TCERG1L: variants seen among roughly 807,000 people sequenced by gnomAD.
The protein encoded by TCERG1L is transcription elongation regulator 1-like protein.
In TCERG1L, 37 loss-of-function variants were observed where a neutral mutation model predicts 56.3. That is an observed-to-expected ratio of 0.66 (90% CI 0.51 to 0.87). TCERG1L has a LOEUF of 0.87. TCERG1L is among the 40% of genes least tolerant of loss of function. The probability of loss-of-function intolerance (pLI) is 0.00; values close to 1 mark genes in which losing one functional copy is unlikely to be tolerated. For missense variants in TCERG1L, 799 were observed against 774.2 expected (o/e 1.03, Z -0.38); for synonymous variants, 324 against 326.3 (o/e 0.99, Z 0.08).
At chr10:131,168,550 A>C (rs1262944347) in intron 4 of TCERG1L, among the ~76,000 whole-genome samples, 5 of 152,228 alleles carry the variant, frequency 3.3e-5, no homozygotes, top group Non-Finnish European at 5.9e-5. Context: ...CGTGAGCCGG[A>C]GGCCCCATCC....
chr10:131,104,790 A>T (rs1413168529), intron 9 of TCERG1L, among the ~76,000 whole-genome samples: 1 of 152,228 alleles, frequency 6.6e-6, no homozygotes, highest in Non-Finnish European at 1.5e-5. Context: ...TAGGTAGGTC[A>T]TTTTAAAAAT....
intron 4 of TCERG1L, among the ~76,000 whole-genome samples, chr10:131,252,219 ATGGG>A (rs1222701399): frequency 6.6e-6 from 1 of 152,192 alleles, no homozygotes; most frequent in Non-Finnish European, 1.5e-5. Context: ...TGCTATGAAC[ATGGG>A]TGCACAGATA....
chr10:131,172,759 G>A (rs932936879), intron 4 of TCERG1L, among the ~76,000 whole-genome samples: 15 of 152,180 alleles, frequency 9.9e-5, no homozygotes, highest in African/African-American at 3.6e-4. Context: ...CCAACCGGGA[G>A]TCACTGGAGC....
At chr10:131,111,106 C>T (rs1845407604) in intron 9 of TCERG1L, among the ~76,000 whole-genome samples, 1 of 143,628 alleles carries the variant, frequency 7.0e-6, no homozygotes, top group Admixed American at 6.8e-5. Context: ...GATAAAGCCC[C>T]AGCCTTGAGA....
chr10:131,222,026 A>G (rs191012989), intron 4 of TCERG1L, among the ~76,000 whole-genome samples: 2 of 152,320 alleles, frequency 1.3e-5, no homozygotes, highest in Admixed American at 1.3e-4. Flanking sequence ...ATGAAAACAC[A>G]CTAAGTGTCT....
chr10:131,154,823 C>T lies in TCERG1L; in HGVS notation c.1035-8163G>A, dbSNP rs188126602. ...CAGATATGCAAGACAAGGACACGAG[C>T]GTGCAACAGGCGTGCTGTGCTGGAA... On this transcript the variant is annotated intron_variant, in intron 6 of 11. Transcript: ENST00000368642. Among the ~76,000 whole-genome samples the T allele has an allele frequency of 4.5e-3, 678 of 152,350 alleles. 2 individuals carry two copies. The highest frequency in any genetic ancestry group is 8.3e-3 in the Non-Finnish European group (568 of 68,042).
intron 3 of TCERG1L, among the ~76,000 whole-genome samples, chr10:131,289,322 G>A (rs1275197436): frequency 8.0e-6 from 1 of 124,672 alleles, no homozygotes; most frequent in East Asian, 2.5e-4. Context: ...ATATACTTAT[G>A]GCATGTTTCT....
chr10:131,093,475 G>A (rs763391400), intron 11 of TCERG1L, among the ~76,000 whole-genome samples, 157 bp from the exon 12 acceptor site: 21 of 152,014 alleles, frequency 1.4e-4, no homozygotes, highest in Non-Finnish European at 2.1e-4. Flanking sequence ...CTGACCAGCC[G>A]TGCCTGCTCC....
chr10:131,260,186 G>A lies in TCERG1L; in HGVS notation c.856+73C>T, dbSNP rs1463453953. 1.4e-5 allele frequency: 18 copies of A among 1,268,050 alleles called. No individual in the cohort carries two copies. The highest frequency in any genetic ancestry group is 6.2e-5 in the African/African-American group (4 of 65,002). 78.5% of individuals were successfully genotyped at this position (1,268,050 alleles called of 1,614,324 possible). A position where few individuals can be genotyped will look rare whatever the true frequency, so the allele number is the denominator to read the frequency against. ...CCCACAGCGCCTGGGCCCAGGCCAG[G>A]GGCATCTAACCAGGAAGCCTCCGCG... On this transcript the variant is annotated intron_variant, in intron 4 of 11. Transcript: ENST00000368642. The surrounding 1 kb of genome is among the most constrained non-coding windows in gnomAD (Gnocchi z 5.8).
chr10:131,269,459 T>A (rs1353719431), intron 3 of TCERG1L, among the ~76,000 whole-genome samples: 1 of 152,164 alleles, frequency 6.6e-6, no homozygotes, highest in Non-Finnish European at 1.5e-5. Context: ...AGTGCTGGGA[T>A]TATAGGCATG....
chr10:131,272,645 A>G (rs1158097870), intron 3 of TCERG1L, among the ~76,000 whole-genome samples: 2 of 151,772 alleles, frequency 1.3e-5, no homozygotes, highest in African/African-American at 4.8e-5. Context: ...GGGAGAGATG[A>G]CCCTTGGCAA....
intron 3 of TCERG1L, among the ~76,000 whole-genome samples, chr10:131,264,307 G>T (rs1206493276): frequency 1.3e-5 from 2 of 152,232 alleles, no homozygotes; most frequent in Non-Finnish European, 2.9e-5. Context: ...CAGCAGTGCT[G>T]GTGGTCAGGC....
intron 3 of TCERG1L, among the ~76,000 whole-genome samples, chr10:131,279,797 C>T (rs377480569): frequency 2.0e-5 from 3 of 152,130 alleles, no homozygotes; most frequent in African/African-American, 4.8e-5. Context: ...GTGACACTCA[C>T]GGATGCTGAG....
chr10:131,126,185 C>A (rs1484740477), intron 8 of TCERG1L, among the ~76,000 whole-genome samples: 2 of 152,228 alleles, frequency 1.3e-5, no homozygotes, highest in Non-Finnish European at 2.9e-5. Context: ...ACAGGCCCTA[C>A]CGTGGCTGGA....
At chr10:131,178,534 C>A (rs368533984) in intron 4 of TCERG1L, among the ~76,000 whole-genome samples, 1 of 152,288 alleles carries the variant, frequency 6.6e-6, no homozygotes, top group East Asian at 1.9e-4. Flanking sequence ...CAAGGGCATG[C>A]ATCTGTCTGT....
Position 131,308,291 on chromosome 10 carries a change from T to C in TCERG1L, c.590A>G (p.Gln197Arg). ...GHEKPRLLAN[Q>R]VAVSLSRPAP... ...CGGCCTGGACAGAGACACAGCTACT[T>C]GATTTGCCAGCAAACGAGGCTTTTC... The change falls in exon 3 of 12, where the codon CAA (glutamine) becomes CGA (arginine). Residue 197 changes from glutamine (Q) to arginine (R), a missense_variant. Coordinates refer to ENST00000368642, the MANE Select transcript of TCERG1L (RefSeq NM_174937.4). 1 of 1,614,010 alleles carries C rather than the reference T, an allele frequency of 6.2e-7. No homozygotes were observed. Among genetic ancestry groups the C allele is most frequent in the Non-Finnish European group, 8.5e-7 (1 of 1,179,892 alleles).
chr10:131,146,245 C>T (rs926248540), intron 7 of TCERG1L, among the ~76,000 whole-genome samples: 9 of 152,232 alleles, frequency 5.9e-5, no homozygotes, highest in East Asian at 1.9e-4. Flanking sequence ...CTTTGAGGGG[C>T]GGAGGGAATG....
Position 131,103,788 on chromosome 10 carries a change from T to G in TCERG1L, c.1485+477A>C, listed in dbSNP as rs2133381697. ...TTTTTAGTTATCAGGTATACAAGTA[T>G]GAGAACCCTCTCTTCATGGCCTTCC... On this transcript the variant is annotated intron_variant, in intron 10 of 11. Transcript: ENST00000368642. This position sits in a 1 kb window ranked among gnomAD's most constrained non-coding sequence, Gnocchi z 4.3. Among the ~76,000 whole-genome samples, 1 of 152,336 alleles carries G rather than the reference T, an allele frequency of 6.6e-6. No homozygotes were observed. Among genetic ancestry groups the G allele is most frequent in the South Asian group, 2.1e-4 (1 of 4,824 alleles).
At chr10:131,304,433 G>A (rs1289457253) in intron 3 of TCERG1L, among the ~76,000 whole-genome samples, 2 of 151,926 alleles carry the variant, frequency 1.3e-5, no homozygotes, top group Non-Finnish European at 2.9e-5. Flanking sequence ...TGCAAGGTGA[G>A]CCCCTTCTTC....
Sources: allele counts gnomAD v4.1 joint callset (sites outside exome capture counted in the v4.1 genomes callset), GRCh38; gene constraint gnomAD v4.1.1; non-coding constraint Gnocchi (gnomAD v3.1); transcripts MANE v1.5; gene names NCBI Gene and HGNC (gene_info 2026-07-23, HGNC 2026-07-21).